Variants in ADGRL2 observed in about 807,000 individuals in gnomAD.
ADGRL2 encodes calcium-independent alpha-latrotoxin receptor 2.
A neutral mutation model predicts 157.4 loss-of-function variants in ADGRL2; 44 were observed. That is an observed-to-expected ratio of 0.28 (90% CI 0.22 to 0.36). The LOEUF (loss-of-function observed/expected upper bound fraction) is 0.36, where lower values mean the gene tolerates loss of function less well. Ranked by LOEUF, ADGRL2 falls within the 10% of genes least tolerant of loss-of-function variation. The pLI is 1.00. For missense variants in ADGRL2, 1,510 were observed against 1,768.9 expected (o/e 0.85, Z 2.63); for synonymous variants, 585 against 624.7 (o/e 0.94, Z 0.95).
chr1:81,913,115 G>T (rs761550964), intron 3 of ADGRL2, among the ~76,000 whole-genome samples: 12 of 152,122 alleles, frequency 7.9e-5, no homozygotes, highest in Non-Finnish European at 1.5e-4. Flanking sequence ...CTAAATGTAG[G>T]CACCAGAATA....
At chr1:81,811,447 G>A (rs1315942179) in intron 1 of ADGRL2, among the ~76,000 whole-genome samples, 1 of 151,546 alleles carries the variant, frequency 6.6e-6, no homozygotes, top group East Asian at 1.9e-4. Flanking sequence ...AGGGGCATCA[G>A]CGTTCTGCAG....
chr1:81,788,381 A>G (rs985077808), intron 2 of ADGRL2, among the ~76,000 whole-genome samples: 1 of 152,084 alleles, frequency 6.6e-6, no homozygotes, highest in South Asian at 2.1e-4. Flanking sequence ...GAAAAGAGTC[A>G]GGGACCTCTC....
At chr1:81,497,733 C>T (rs1016677539) in intron 2 of ADGRL2, among the ~76,000 whole-genome samples, 5 of 152,056 alleles carry the variant, frequency 3.3e-5, no homozygotes, top group African/African-American at 7.2e-5. Context: ...TGAAATGATG[C>T]GAAGTATGTG....
intron 3 of ADGRL2, among the ~76,000 whole-genome samples, chr1:81,915,466 A>C (rs1483223732): frequency 6.6e-6 from 1 of 151,996 alleles, no homozygotes; most frequent in Non-Finnish European, 1.5e-5. Context: ...GCTCATTTTC[A>C]CTGGTACTTC....
chr1:81,872,422 G>T (rs1177885705), intron 2 of ADGRL2, among the ~76,000 whole-genome samples: 1 of 151,960 alleles, frequency 6.6e-6, no homozygotes, highest in Admixed American at 6.6e-5. Context: ...TTATTGTCTA[G>T]TCAAATGGTA....
At chr1:81,807,949 A>AT (rs967264435) in intron 1 of ADGRL2, among the ~76,000 whole-genome samples, 1 of 151,662 alleles carries the variant, frequency 6.6e-6, no homozygotes, top group Non-Finnish European at 1.5e-5. Context: ...TTAAAAGCTT[A>AT]TTTTATTATT....
chr1:81,472,210 A>AT (rs927885362), intron 2 of ADGRL2, among the ~76,000 whole-genome samples: 1 of 152,274 alleles, frequency 6.6e-6, no homozygotes, highest in South Asian at 2.1e-4. Flanking sequence ...TTACTAGATG[A>AT]TTTTTTTCCC....
intron 2 of ADGRL2, chr1:81,502,373 C>T (rs1215055082): frequency 2.5e-6 from 4 of 1,613,928 alleles, no homozygotes; most frequent in Non-Finnish European, 3.4e-6. Flanking sequence ...AGATGGAGGC[C>T]GGGGAAGAGA....
intron 2 of ADGRL2, among the ~76,000 whole-genome samples, chr1:81,845,834 G>T: frequency 6.6e-6 from 1 of 151,466 alleles, no homozygotes; most frequent in Non-Finnish European, 1.5e-5. Context: ...CTAATCGCAG[G>T]TTTAACAATT....
chr1:81,422,329 C>A (rs957694638), intron 1 of ADGRL2, among the ~76,000 whole-genome samples: 1 of 152,154 alleles, frequency 6.6e-6, no homozygotes, highest in African/African-American at 2.4e-5. Context: ...ACTGCAATCT[C>A]CACCTCCTGA....
intron 1 of ADGRL2, among the ~76,000 whole-genome samples, chr1:81,814,109 G>A (rs1047517914): frequency 1.3e-5 from 2 of 151,632 alleles, no homozygotes; most frequent in African/African-American, 4.8e-5. Context: ...TTTATGACAA[G>A]GAAATAGATT....
intron 3 of ADGRL2, among the ~76,000 whole-genome samples, chr1:81,913,354 A>C (rs1035500040): frequency 6.6e-6 from 1 of 152,204 alleles, no homozygotes; most frequent in African/African-American, 2.4e-5. Flanking sequence ...GGTTCTTTAC[A>C]TTACAGTGGA....
chr1:81,811,901 C>CA (rs2089911683), intron 1 of ADGRL2, among the ~76,000 whole-genome samples: 1 of 150,460 alleles, frequency 6.6e-6, no homozygotes, highest in South Asian at 2.1e-4. Context: ...TCTATCATTT[C>CA]AGGCTGGTGC....
chr1:81,325,091 A>G (rs1230424223), intron 1 of ADGRL2, among the ~76,000 whole-genome samples: 1 of 152,038 alleles, frequency 6.6e-6, no homozygotes, highest in Non-Finnish European at 1.5e-5. Flanking sequence ...GACTATTTTT[A>G]TATTATTTGA....
At chr1:81,531,323 CAT>C (rs2079593344) in intron 2 of ADGRL2, among the ~76,000 whole-genome samples, 1 of 152,026 alleles carries the variant, frequency 6.6e-6, no homozygotes, top group Non-Finnish European at 1.5e-5. Flanking sequence ...AAAGAAAAGT[CAT>C]AGACTACACC....
intron 3 of ADGRL2, among the ~76,000 whole-genome samples, chr1:81,618,224 A>C (rs907531057): frequency 4.6e-5 from 7 of 152,186 alleles, no homozygotes; most frequent in African/African-American, 1.7e-4. Context: ...GCTATATCAA[A>C]TCCTCCAGAA....
chr1:81,942,782 T>C (rs567097314), intron 5 of ADGRL2, 187 bp from the exon 6 acceptor site: 2 of 657,692 alleles, frequency 3.0e-6, no homozygotes, highest in Non-Finnish European at 5.6e-6. Flanking sequence ...TCAGTTACTT[T>C]GTACCCTGAT....
At position 81,903,699 on chromosome 1, in the gene ADGRL2, A is replaced by AAT. The variant is rs533695232; in HGVS notation, c.74-3307_74-3306dup. Among the ~76,000 whole-genome samples the AAT allele has an allele frequency of 1.7e-3, 247 of 144,318 alleles. 1 individual carries two copies. The highest frequency in any genetic ancestry group is 6.0e-3 in the African/African-American group (238 of 39,490). 94.7% of individuals were successfully genotyped at this position (144,318 alleles called of 152,430 possible). A position where few individuals can be genotyped will look rare whatever the true frequency, so the allele number is the denominator to read the frequency against. ...CTCTCTTCATATTTGTTTTTTAAAG[A>AAT]ATATATATATATTCATTATATATAT... On this transcript the variant is annotated intron_variant, in intron 2 of 23. Coordinates refer to ENST00000686636, the MANE Select transcript of ADGRL2 (RefSeq NM_001366006.2).
chr1:81,971,177 T>C (rs918205617), intron 16 of ADGRL2, among the ~76,000 whole-genome samples: 9 of 152,300 alleles, frequency 5.9e-5, no homozygotes, highest in Admixed American at 4.6e-4. Context: ...AAAGATTCTT[T>C]GGACTAAAGA....
Sources: gnomAD v4.1 joint callset for allele counts (sites outside exome capture counted in the v4.1 genomes callset) on GRCh38, gnomAD v4.1.1 for gene constraint, MANE v1.5 for transcripts, NCBI Gene and HGNC (gene_info 2026-07-23, HGNC 2026-07-21) for gene names.